The following CRYBG3 variants were observed in gnomAD, a reference collection of about 807,000 sequenced individuals.
CRYBG3 encodes the protein very large A-kinase anchor protein.
A neutral mutation model predicts 244.2 loss-of-function variants in CRYBG3; 127 were observed. That is an observed-to-expected ratio of 0.52 (90% CI 0.45 to 0.60). The LOEUF is 0.60. Ranked by LOEUF, CRYBG3 falls within the 20% of genes least tolerant of loss-of-function variation. The pLI, the probability that CRYBG3 is intolerant of heterozygous loss-of-function variation, is 0.00. For missense variants in CRYBG3, 3,325 were observed against 3,442.5 expected, an observed-to-expected ratio of 0.97 and a Z score of 0.85; for synonymous variants, 1,132 against 1,195.8, an observed-to-expected ratio of 0.95 and a Z score of 1.10.
rs556160084 is a variant in CRYBG3, at chr3:97,859,390, C to A, written c.217-4827C>A. 7.2e-5 allele frequency among the ~76,000 whole-genome samples: 11 copies of A among 152,284 alleles called. No individual in the cohort carries two copies. In the South Asian group the frequency reaches 1.5e-3, roughly 20 times the overall value. ...TTACTATACCAGGTGCCACAGCACC[C>A]ATCACATGCTACGGGCTGCTTAAGG... is the stretch of plus-strand genomic sequence containing the variant. On this transcript the variant is annotated intron_variant, in intron 2 of 21. Coordinates refer to ENST00000389622, the MANE Select transcript of CRYBG3 (RefSeq NM_153605.4).
At chr3:97,823,186 C>T (rs945116208) in intron 1 of CRYBG3, among the ~76,000 whole-genome samples, 4 of 152,260 alleles carry the variant, frequency 2.6e-5, no homozygotes, top group African/African-American at 4.8e-5. Flanking sequence ...GTCTTTTCAT[C>T]CCCCCGAAGA....
At chr3:97,850,398 G>A (rs995440786) in intron 2 of CRYBG3, among the ~76,000 whole-genome samples, 11 of 152,038 alleles carry the variant, frequency 7.2e-5, no homozygotes, top group African/African-American at 2.7e-4. Flanking sequence ...AAAATTATAT[G>A]GATTTGAAAA....
chr3:97,879,967 C>T lies in CRYBG3; in HGVS notation c.6889-18C>T. On this transcript the variant is annotated intron_variant, in intron 5 of 21. Transcript: ENST00000389622. ...AATTAGTTATTGTAACTACTTACTG[C>T]TATTTACTGTGTTGCAGATGGTTAT... 1 of 1,232,648 alleles carries T rather than the reference C, an allele frequency of 8.1e-7. No homozygotes were observed. The highest frequency in any genetic ancestry group is 1.5e-5 in the African/African-American group (1 of 67,116). The allele number at this position is 1,232,648 out of a possible 1,614,324, so 76.4% of individuals were successfully genotyped here.
At position 97,874,955 on chromosome 3, in the gene CRYBG3, C is replaced by T. The variant is rs1338276785; in HGVS notation, c.3761C>T (p.Thr1254Ile). The T allele has an allele frequency of 1.3e-6, 2 of 1,535,876 alleles. No homozygotes were observed. Among genetic ancestry groups the T allele is most frequent in the Non-Finnish European group, 1.7e-6 (2 of 1,146,810 alleles). Residue 1254 changes from threonine (T) to isoleucine (I), a missense_variant, in exon 4 of 22, where the codon ACA becomes ATA. Coordinates refer to ENST00000389622, the MANE Select transcript of CRYBG3 (RefSeq NM_153605.4). ...AAAAACCCATCAGAAGTGACACTAACAGAAATACAACAGACAGAGGGTTTG... is the reference window on the plus strand; with the variant it reads ...AAAAACCCATCAGAAGTGACACTAATAGAAATACAACAGACAGAGGGTTTG... ...SEKNPSEVTL[T>I]EIQQTEGLEE...
At chr3:97,918,645 T>C (rs1382100322) in intron 17 of CRYBG3, among the ~76,000 whole-genome samples, 1 of 152,222 alleles carries the variant, frequency 6.6e-6, no homozygotes, top group African/African-American at 2.4e-5. Context: ...TCCAGAATCA[T>C]AGTGGTTTAA....
chr3:97,915,581 G>A (rs1227953641), intron 16 of CRYBG3, 29 bp from the exon 17 acceptor site: 2 of 1,592,306 alleles, frequency 1.3e-6, no homozygotes, highest in Admixed American at 3.4e-5. Flanking sequence ...AATGCAATTT[G>A]ATTGAATGTC....
intron 19 of CRYBG3, 24 bp from the exon 20 acceptor site, chr3:97,941,124 A>C (rs1388610136): frequency 6.3e-7 from 1 of 1,576,484 alleles, no homozygotes. Context: ...GTTTATTTCT[A>C]AATGGCTGTT....
chr3:97,873,995 CTCT>C lies in CRYBG3; in HGVS notation c.2806_2808del (p.Leu936del), dbSNP rs770550951. The C allele has an allele frequency of 2.7e-5, 42 of 1,534,086 alleles. No homozygotes were observed. The highest frequency in any genetic ancestry group is 3.5e-5 in the Non-Finnish European group (40 of 1,146,408). On this transcript the variant is annotated inframe_deletion, in exon 4 of 22. Transcript: ENST00000389622. ...GTAGATGCCTTAGGCTCTCCTCCTG[CTCT>C]TCTTAAAAGTAATATATCTTGGATT...
At chr3:97,828,811 A>C (rs889737186) in intron 1 of CRYBG3, among the ~76,000 whole-genome samples, 1 of 148,402 alleles carries the variant, frequency 6.7e-6, no homozygotes, top group Non-Finnish European at 1.5e-5. Context: ...CTGGGCAATA[A>C]GAGTGAAACT....
chr3:97,932,477 A>C (rs923845383), intron 17 of CRYBG3, among the ~76,000 whole-genome samples: 1 of 152,028 alleles, frequency 6.6e-6, no homozygotes, highest in Non-Finnish European at 1.5e-5. Flanking sequence ...TCCTTCTCTT[A>C]TGCAAGTATA....
chr3:97,851,775 T>C (rs893451652), intron 2 of CRYBG3, among the ~76,000 whole-genome samples: 4 of 152,278 alleles, frequency 2.6e-5, no homozygotes, highest in Admixed American at 1.3e-4. Flanking sequence ...GATTTTATCC[T>C]GATGGCAATG....
chr3:97,894,275 C>A (rs959640092), intron 11 of CRYBG3, among the ~76,000 whole-genome samples: 1 of 152,040 alleles, frequency 6.6e-6, no homozygotes, highest in Non-Finnish European at 1.5e-5. Context: ...TTGTTATTCT[C>A]TAAGTTTTTT....
chr3:97,871,866 G>A lies in CRYBG3; in HGVS notation c.672G>A (p.Lys224=). 1 of 1,508,794 alleles carries A rather than the reference G, an allele frequency of 6.6e-7. No individual in the cohort carries two copies. The highest frequency in any genetic ancestry group is 8.8e-7 in the Non-Finnish European group (1 of 1,138,592). 93.5% of individuals were successfully genotyped at this position (1,508,794 alleles called of 1,614,324 possible). A position where few individuals can be genotyped will look rare whatever the true frequency, so the allele number is the denominator to read the frequency against. The change falls in exon 4 of 22, where the codon AAG becomes AAA. Residue 224 remains lysine (K), a synonymous_variant. Coordinates refer to ENST00000389622, the MANE Select transcript of CRYBG3 (RefSeq NM_153605.4). ...GACAAATCGATGGTAAACCAGAGAA[G>A]CCTTCAGTAACATATGCAACATATC... The part of the protein sequence containing the change: ...LLKQIDGKPE[K]PSVTYATYRG...
intron 1 of CRYBG3, among the ~76,000 whole-genome samples, chr3:97,842,745 T>A (rs2038840222): frequency 6.6e-6 from 1 of 152,120 alleles, no homozygotes; most frequent in Non-Finnish European, 1.5e-5. Flanking sequence ...ATTCCCAGAA[T>A]TCACTAGATG....
chr3:97,874,908 C>A lies in CRYBG3; in HGVS notation c.3714C>A (p.Thr1238=). ...IAIEGIMNLG[T]LKEDISEKNP... is the part of the protein sequence containing the mutation. ...TAGAAGGTATAATGAATCTGGGTAC[C>A]CTGAAAGAAGACATCTCTGAGAAAA... The change falls in exon 4 of 22, where the codon ACC becomes ACA. Residue 1238 remains threonine, a synonymous_variant. Transcript: ENST00000389622. The A allele has an allele frequency of 6.5e-7, 1 of 1,535,146 alleles. No homozygotes were observed.
chr3:97,842,023 C>T (rs910847990), intron 1 of CRYBG3, among the ~76,000 whole-genome samples: 5 of 152,186 alleles, frequency 3.3e-5, no homozygotes, highest in African/African-American at 7.2e-5. Flanking sequence ...TTTTATGCTT[C>T]GTAGCATTTT....
At chr3:97,903,082 A>G (rs2039723582) in intron 15 of CRYBG3, among the ~76,000 whole-genome samples, 1 of 152,182 alleles carries the variant, frequency 6.6e-6, no homozygotes, top group South Asian at 2.1e-4. Context: ...TTCCAGATAT[A>G]ATTAAATGTT....
At chr3:97,941,109 CA>C in intron 19 of CRYBG3, 38 bp from the exon 20 acceptor site, 1 of 1,553,720 alleles carries the variant, frequency 6.4e-7, no homozygotes, top group Non-Finnish European at 8.7e-7. Flanking sequence ...TTTCCAGATT[CA>C]AAAGTTTATT....
At chr3:97,936,220 CTT>C (rs2040162399) in intron 18 of CRYBG3, among the ~76,000 whole-genome samples, 1 of 152,054 alleles carries the variant, frequency 6.6e-6, no homozygotes, top group African/African-American at 2.4e-5. Context: ...CTTTTACACA[CTT>C]TAATGCTGCC....
Sources: gnomAD v4.1 joint callset for allele counts (sites outside exome capture counted in the v4.1 genomes callset) on GRCh38, gnomAD v4.1.1 for gene constraint, MANE v1.5 for transcripts, NCBI Gene and HGNC (gene_info 2026-07-23, HGNC 2026-07-21) for gene names.